MTM1: variants seen among roughly 807,000 people sequenced by gnomAD.
The protein encoded by MTM1 is myotubularin 1.
A neutral mutation model predicts 52.1 loss-of-function variants in MTM1; 9 were observed. The observed-to-expected ratio is 0.17, with a 90% confidence interval of 0.10 to 0.30. MTM1 has a LOEUF of 0.30. MTM1 is among the 10% of genes least tolerant of loss of function. The pLI, the probability that MTM1 is intolerant of heterozygous loss-of-function variation, is 1.00. For synonymous variants in MTM1, 136 were observed against 163.8 expected (o/e 0.83, Z 1.29); for missense variants, 277 against 470.7 (o/e 0.59, Z 3.81).
intron 4 of MTM1, among the ~76,000 whole-genome samples, chrX:150,612,778 G>T (rs1267941040): frequency 9.0e-6 from 1 of 111,501 alleles, no homozygotes; most frequent in Non-Finnish European, 1.9e-5. Context: ...GAGGTCAGGG[G>T]TTTGAGACCA....
At chrX:150,652,756 A>G (rs1557414258) in intron 10 of MTM1, among the ~76,000 whole-genome samples, 1 of 106,114 alleles carries the variant, frequency 9.4e-6, no homozygotes, top group African/African-American at 3.4e-5. Context: ...TCTGAGTAAT[A>G]GGGCTATGTT....
chrX:150,650,265 TG>T (rs2039997979), intron 10 of MTM1, among the ~76,000 whole-genome samples: 3 of 110,133 alleles, frequency 2.7e-5, no homozygotes, highest in African/African-American at 9.9e-5. Flanking sequence ...TGTTGTTTTT[TG>T]TTTTTTTTTG....
chrX:150,577,880 A>C (rs1276461135), intron 1 of MTM1, among the ~76,000 whole-genome samples: 2 of 112,304 alleles, frequency 1.8e-5, no homozygotes, highest in Non-Finnish European at 3.8e-5. Flanking sequence ...TGTTCCTTCC[A>C]GAACTTTTTT....
At chrX:150,646,075 A>G (rs985667367) in intron 9 of MTM1, among the ~76,000 whole-genome samples, 3 of 112,318 alleles carry the variant, frequency 2.7e-5, no homozygotes, top group Non-Finnish European at 5.6e-5. Context: ...AACTTTAGGT[A>G]AATAGGCATG....
At chrX:150,623,906 T>G (rs781963522) in intron 6 of MTM1, among the ~76,000 whole-genome samples, 6 of 112,015 alleles carry the variant, frequency 5.4e-5, no homozygotes, top group Admixed American at 9.4e-5. Flanking sequence ...TTAGTGATTT[T>G]TATTGGCATT....
At chrX:150,579,017 CTCTATCTATCTATCTA>C (rs59889586) in intron 1 of MTM1, among the ~76,000 whole-genome samples, 4 of 98,165 alleles carry the variant, frequency 4.1e-5, no homozygotes, top group African/African-American at 1.5e-4. Flanking sequence ...ATCTATATAT[CTCTATCTATCTATCTA>C]TCTATCTATC....
intron 6 of MTM1, among the ~76,000 whole-genome samples, chrX:150,619,606 T>A (rs781792711): frequency 2.4e-4 from 27 of 112,401 alleles, no homozygotes; most frequent in African/African-American, 8.4e-4. Context: ...TACCTAAAAC[T>A]TTTCCTTCCT....
At chrX:150,650,827 G>A (rs2040007236) in intron 10 of MTM1, among the ~76,000 whole-genome samples, 3 of 111,470 alleles carry the variant, frequency 2.7e-5, no homozygotes, top group African/African-American at 9.8e-5. Context: ...AAACCTCTGG[G>A]GGCTCCCAAC....
At chrX:150,618,706 C>G (rs1202872231) in intron 5 of MTM1, among the ~76,000 whole-genome samples, 1 of 111,382 alleles carries the variant, frequency 9.0e-6, no homozygotes. Flanking sequence ...TACCTCAGAA[C>G]CCAGTGAAAG....
intron 5 of MTM1, among the ~76,000 whole-genome samples, chrX:150,616,188 G>A (rs1311708632): frequency 2.7e-5 from 3 of 111,757 alleles, no homozygotes; most frequent in African/African-American, 9.8e-5. Context: ...AACAAAAGGC[G>A]TAGGAACAAC....
intron 4 of MTM1, among the ~76,000 whole-genome samples, chrX:150,599,533 G>A (rs73250556): frequency 0.11 from 12,762 of 111,696 alleles, 642 homozygotes; most frequent in African/African-American, 0.2. Flanking sequence ...TGAGGCTGTC[G>A]GGGAAATGTA....
At chrX:150,648,448 A>T (rs1213918539) in intron 9 of MTM1, among the ~76,000 whole-genome samples, 8 of 112,581 alleles carry the variant, frequency 7.1e-5, no homozygotes, top group Non-Finnish European at 1.3e-4. Context: ...GCTATGGCAC[A>T]TTTGTCTGGT....
intron 1 of MTM1, among the ~76,000 whole-genome samples, chrX:150,570,006 C>T (rs1257095439): frequency 8.9e-6 from 1 of 111,984 alleles, no homozygotes; most frequent in Non-Finnish European, 1.9e-5. Context: ...AGTACCCTCC[C>T]GGGTGCTTGA....
At chrX:150,606,957 C>T (rs1470944112) in intron 4 of MTM1, among the ~76,000 whole-genome samples, 3 of 60,517 alleles carry the variant, frequency 5.0e-5, no homozygotes, top group African/African-American at 1.6e-4. Context: ...CCTCCCCCTC[C>T]CCTCCCCCTC....
At chrX:150,657,425 G>C (rs1440466813) in intron 10 of MTM1, among the ~76,000 whole-genome samples, 2 of 102,657 alleles carry the variant, frequency 1.9e-5, no homozygotes, top group African/African-American at 7.2e-5. Context: ...ATTGAACAAT[G>C]AGAACATTTG....
chrX:150,662,654 T>C (rs1279602945), intron 13 of MTM1, among the ~76,000 whole-genome samples: 2 of 112,305 alleles, frequency 1.8e-5, no homozygotes, highest in African/African-American at 6.5e-5. Context: ...TATTTTGGGA[T>C]GTTCTTTTTG....
intron 5 of MTM1, among the ~76,000 whole-genome samples, chrX:150,618,329 G>T (rs1335303486): frequency 2.7e-5 from 3 of 111,709 alleles, no homozygotes; most frequent in Admixed American, 1.9e-4. Flanking sequence ...CTTTAGAAAA[G>T]TTGTTTGAAT....
At chrX:150,606,177 A>G (rs2039154403) in intron 4 of MTM1, among the ~76,000 whole-genome samples, 1 of 111,282 alleles carries the variant, frequency 9.0e-6, no homozygotes, top group Non-Finnish European at 1.9e-5. Flanking sequence ...GGAGCATAGG[A>G]TCTATGCTAT....
intron 1 of MTM1, among the ~76,000 whole-genome samples, chrX:150,581,534 G>A (rs2038584426): frequency 9.0e-6 from 1 of 111,641 alleles, no homozygotes; most frequent in South Asian, 3.7e-4. Flanking sequence ...TGGATTTCAG[G>A]GGAAAAAGCC....
Sources: allele counts gnomAD v4.1 joint callset (sites outside exome capture counted in the v4.1 genomes callset), GRCh38; gene constraint gnomAD v4.1.1; transcripts MANE v1.5; gene names NCBI Gene and HGNC (gene_info 2026-07-23, HGNC 2026-07-21).